The following AGTPBP1 variants were observed in gnomAD, a reference collection of about 807,000 sequenced individuals.
AGTPBP1 encodes the protein ATP/GTP binding carboxypeptidase 1, also known as cytosolic carboxypeptidase 1.
Under a neutral mutation model 143.9 loss-of-function variants are expected in AGTPBP1, and 70 were observed. That is an observed-to-expected ratio of 0.49 (90% confidence interval 0.40 to 0.59). The LOEUF is 0.59. AGTPBP1 is among the 20% of genes least tolerant of loss of function. AGTPBP1 has a pLI of 0.00. For synonymous variants in AGTPBP1, 463 were observed against 500.2 expected, an observed-to-expected ratio of 0.93 and a Z score of 0.99; for missense variants, 1,229 against 1,464.5, an observed-to-expected ratio of 0.84 and a Z score of 2.62.
intron 17 of AGTPBP1, among the ~76,000 whole-genome samples, chr9:85,616,606 C>T (rs1830614751): frequency 6.6e-6 from 1 of 151,828 alleles, no homozygotes; most frequent in Non-Finnish European, 1.5e-5. Context: ...ATATTTTACT[C>T]GTAAGGTGCA....
At chr9:85,744,208 G>A (rs578002123), upstream of AGTPBP1, among the ~76,000 whole-genome samples, 32 of 152,218 alleles carry the variant, frequency 2.1e-4, no homozygotes, top group African/African-American at 7.7e-4. Context: ...TGAGATTACA[G>A]GCATTAATAC....
At chr9:85,648,583 C>A (rs967113112) in intron 11 of AGTPBP1, among the ~76,000 whole-genome samples, 2 of 152,128 alleles carry the variant, frequency 1.3e-5, no homozygotes, top group South Asian at 4.1e-4. Flanking sequence ...GAGGCCGAGA[C>A]GGGCGGATCA....
intron 25 of AGTPBP1, among the ~76,000 whole-genome samples, chr9:85,573,490 A>G (rs1310335520): frequency 1.3e-5 from 2 of 152,084 alleles, no homozygotes; most frequent in Non-Finnish European, 2.9e-5. Context: ...TTGGTCTCCC[A>G]AAGTGCCGAG....
At chr9:85,557,206 T>G (rs1826405629) in intron 25 of AGTPBP1, among the ~76,000 whole-genome samples, 1 of 152,204 alleles carries the variant, frequency 6.6e-6, no homozygotes, top group Non-Finnish European at 1.5e-5. Context: ...ATCACTAATT[T>G]GATACCTATC....
chr9:85,621,360 TGAAAA>T lies in AGTPBP1; in HGVS notation c.2016-80_2016-76del, dbSNP rs1200524048. On this transcript the variant is annotated intron_variant, in intron 14 of 25. Coordinates refer to ENST00000357081, the MANE Select transcript of AGTPBP1 (RefSeq NM_001330701.2). The stretch of plus-strand genomic sequence containing the variant: ...AACTTTCTCCAAAGTAAATTTTGAA[TGAAAA>T]AAGTGCATGATAAAAATTTCTTAAA... The T allele has an allele frequency of 1.1e-5, 7 of 618,662 alleles. No homozygotes were observed. The Admixed American group carries it at 2.0e-4, about 18-fold the overall frequency. 38.3% of individuals were successfully genotyped at this position (618,662 alleles called of 1,614,324 possible). A position where few individuals can be genotyped will look rare whatever the true frequency, so the allele number is the denominator to read the frequency against.
At chr9:85,689,820 G>C (rs1033076612) in intron 3 of AGTPBP1, among the ~76,000 whole-genome samples, 1 of 146,226 alleles carries the variant, frequency 6.8e-6, no homozygotes, top group Non-Finnish European at 1.5e-5. Flanking sequence ...GCTTGAACTC[G>C]GGAAGTGGAG....
intron 25 of AGTPBP1, among the ~76,000 whole-genome samples, chr9:85,572,002 G>GTTTTTT (rs1564019568): frequency 1.2e-5 from 1 of 85,288 alleles, no homozygotes; most frequent in Non-Finnish European, 2.6e-5. Context: ...TTGTTTGTGT[G>GTTTTTT]TGTTTTTTTT....
the AGTPBP1 span, among the ~76,000 whole-genome samples, chr9:85,773,168 G>A: frequency 6.8e-6 from 1 of 147,874 alleles, no homozygotes; most frequent in Non-Finnish European, 1.5e-5. Flanking sequence ...GGGAGGCTGA[G>A]GCAAGAGAAT....
intron 2 of AGTPBP1, among the ~76,000 whole-genome samples, chr9:85,696,641 T>C (rs1836262811): frequency 1.3e-5 from 2 of 151,560 alleles, no homozygotes; most frequent in Non-Finnish European, 2.9e-5. Context: ...GACTCCAAAC[T>C]GGGTGACAGA....
In AGTPBP1 at chr9:85,699,212, G is replaced by A. The variant is rs1177145286; in HGVS notation, c.33-6399C>T. ...TGCTGCCCAGGATGATCAAACTTCTGGGCTCAAGCGATCCTCCCACGTGAG... is the reference window on the plus strand; with the variant it reads ...TGCTGCCCAGGATGATCAAACTTCTAGGCTCAAGCGATCCTCCCACGTGAG... On this transcript the variant is annotated intron_variant, in intron 2 of 25. Transcript: ENST00000357081. Among the ~76,000 whole-genome samples, 2 of 151,966 alleles carry A rather than the reference G, an allele frequency of 1.3e-5. 1 individual carries two copies. Among genetic ancestry groups the A allele is most frequent in the Non-Finnish European group, 2.9e-5 (2 of 68,006 alleles).
At chr9:85,635,745 A>G (rs1316853541) in intron 13 of AGTPBP1, among the ~76,000 whole-genome samples, 1 of 151,994 alleles carries the variant, frequency 6.6e-6, no homozygotes, top group Non-Finnish European at 1.5e-5. Context: ...TTGAACTGGC[A>G]TTAAGGTGAT....
chr9:85,803,214 A>G, the AGTPBP1 span, among the ~76,000 whole-genome samples: 1 of 152,198 alleles, frequency 6.6e-6, no homozygotes, highest in African/African-American at 2.4e-5. Context: ...CAGGCTTTCA[A>G]TGAGAACAAT....
chr9:85,674,592 C>A (rs1053373896), intron 6 of AGTPBP1, among the ~76,000 whole-genome samples: 4 of 151,708 alleles, frequency 2.6e-5, no homozygotes, highest in Non-Finnish European at 2.9e-5. Flanking sequence ...GTCTTTAAAT[C>A]TTAAATACAA....
the AGTPBP1 span, among the ~76,000 whole-genome samples, chr9:85,800,994 A>C: frequency 3.9e-5 from 6 of 151,924 alleles, no homozygotes; most frequent in South Asian, 8.3e-4. Flanking sequence ...GCTATAACTG[A>C]AGTTTTAATT....
the AGTPBP1 span, chr9:85,770,523 T>C: frequency 1.7e-4 from 206 of 1,211,824 alleles, 1 homozygote; most frequent in South Asian, 2.4e-3. Context: ...ATTTTTCTTA[T>C]AAAGATGGGT....
chr9:85,556,869 A>G (rs1826382155), intron 25 of AGTPBP1, among the ~76,000 whole-genome samples: 1 of 152,204 alleles, frequency 6.6e-6, no homozygotes, highest in Admixed American at 6.5e-5. Flanking sequence ...GGGAAACCTG[A>G]AAACATCTCT....
At chr9:85,711,174 G>A (rs1001249721) in intron 2 of AGTPBP1, among the ~76,000 whole-genome samples, 6 of 152,120 alleles carry the variant, frequency 3.9e-5, no homozygotes, top group Non-Finnish European at 7.4e-5. Context: ...CAATTACCAA[G>A]CCAAATACCA....
At chr9:85,553,726 G>C (rs1428832896) in intron 25 of AGTPBP1, 1 of 152,172 alleles carries the variant, frequency 6.6e-6, no homozygotes, top group Non-Finnish European at 1.5e-5. Context: ...AATTAGACAA[G>C]AGCATTTCAA....
intron 4 of AGTPBP1, among the ~76,000 whole-genome samples, chr9:85,679,477 G>A (rs182389774): frequency 5.9e-5 from 9 of 151,784 alleles, no homozygotes; most frequent in East Asian, 1.9e-4. Context: ...GCGCAATCTC[G>A]GCTCACTGCA....
Sources: allele counts gnomAD v4.1 joint callset (sites outside exome capture counted in the v4.1 genomes callset), GRCh38; gene constraint gnomAD v4.1.1; transcripts MANE v1.5; gene names NCBI Gene and HGNC (gene_info 2026-07-23, HGNC 2026-07-21).